PDS5A: variants seen among roughly 807,000 people sequenced by gnomAD.
The protein encoded by PDS5A is PDS5 cohesin associated factor A.
In PDS5A, 42 loss-of-function variants were observed where a neutral mutation model predicts 167.1. The observed-to-expected ratio is 0.25, with a 90% CI of 0.20 to 0.33. PDS5A has a LOEUF of 0.33. PDS5A is among the 10% of genes least tolerant of loss of function. The probability of loss-of-function intolerance (pLI) is 1.00; values close to 1 mark genes in which losing one functional copy is unlikely to be tolerated. For synonymous variants in PDS5A, 553 were observed against 554.6 expected (o/e 1.00, Z 0.04); for missense variants, 1,033 against 1,605.9 (o/e 0.64, Z 6.10).
Position 39,849,595 on chromosome 4 carries a change from G to C in PDS5A, c.3144C>G (p.Ala1048=), listed in dbSNP as rs778725295. The C allele has an allele frequency of 2.7e-5, 44 of 1,607,768 alleles. No individual in the cohort carries two copies. The highest frequency in any genetic ancestry group is 4.0e-5 in the African/African-American group (3 of 74,780). The change falls in exon 27 of 33, where the codon GCC becomes GCG. Residue 1048 remains alanine, a synonymous_variant. Transcript: ENST00000303538. ...LMTKNENNSH[A]FMKKMAENIK... ...TGTTCTCTGCCATCTTCTTCATAAA[G>C]GCATGGCTATTGTTTTCATTCTTTG... is the stretch of plus-strand genomic sequence containing the variant.
chr4:39,939,805 C>G (rs1468784791), intron 2 of PDS5A, among the ~76,000 whole-genome samples: 1 of 151,562 alleles, frequency 6.6e-6, no homozygotes. Flanking sequence ...TCCAAAAAAA[C>G]AAAAACAAAC....
chr4:39,851,198 A>G (rs1471196959), intron 26 of PDS5A, among the ~76,000 whole-genome samples: 1 of 152,238 alleles, frequency 6.6e-6, no homozygotes. Flanking sequence ...AGTGCTTACT[A>G]TCTACTAGGC....
chr4:39,872,830 A>C (rs1457943746), intron 21 of PDS5A, 156 bp downstream of exon 21: 1 of 418,686 alleles, frequency 2.4e-6, no homozygotes, highest in African/African-American at 2.0e-5. Flanking sequence ...GAAATAAGGA[A>C]GTAGTTTCGA....
intron 2 of PDS5A, among the ~76,000 whole-genome samples, chr4:39,935,031 T>C (rs895321734): frequency 6.6e-6 from 1 of 152,218 alleles, no homozygotes; most frequent in East Asian, 1.9e-4. Context: ...TCTAACTTTA[T>C]CAATTATTTT....
At chr4:39,829,980 A>AAG (rs1715700930) in intron 32 of PDS5A, among the ~76,000 whole-genome samples, 1 of 138,076 alleles carries the variant, frequency 7.2e-6, no homozygotes, top group South Asian at 2.3e-4. Context: ...AAAAAAAAAA[A>AAG]AAAAGAAATT....
At chr4:39,948,313 T>A (rs1727984622) in intron 2 of PDS5A, among the ~76,000 whole-genome samples, 1 of 12,330 alleles carries the variant, frequency 8.1e-5, no homozygotes, top group South Asian at 3.4e-3. Context: ...GAATCAAACC[T>A]TTTTTTTTTT....
intron 2 of PDS5A, among the ~76,000 whole-genome samples, chr4:39,967,833 C>A (rs1730128367): frequency 6.6e-6 from 1 of 151,454 alleles, no homozygotes; most frequent in African/African-American, 2.4e-5. Context: ...GTGGCAGAAG[C>A]CTGTAGTCCC....
At chr4:39,975,867 G>C (rs1319206289) in intron 2 of PDS5A, among the ~76,000 whole-genome samples, 1 of 152,152 alleles carries the variant, frequency 6.6e-6, no homozygotes, top group Non-Finnish European at 1.5e-5. Context: ...CCTTAGGACT[G>C]CCATGCTTAA....
At chr4:39,830,957 C>T (rs1470833583) in intron 32 of PDS5A, among the ~76,000 whole-genome samples, 2 of 152,176 alleles carry the variant, frequency 1.3e-5, no homozygotes, top group African/African-American at 2.4e-5. Context: ...ACAGTTCTGC[C>T]GGGCGCAATG....
chr4:39,947,083 G>GA (rs912790351), intron 2 of PDS5A, among the ~76,000 whole-genome samples: 40 of 151,130 alleles, frequency 2.6e-4, no homozygotes, highest in African/African-American at 8.7e-4. Context: ...TCTCTATTGA[G>GA]AAAAAAAAAT....
chr4:39,857,810 C>A (rs535974005), intron 26 of PDS5A, among the ~76,000 whole-genome samples: 1 of 152,176 alleles, frequency 6.6e-6, no homozygotes, highest in South Asian at 2.1e-4. Flanking sequence ...GAACTGGAGA[C>A]ACCAATAACC....
intron 21 of PDS5A, chr4:39,872,726 T>C (rs2109573195): frequency 8.1e-6 from 2 of 246,788 alleles, no homozygotes; most frequent in South Asian, 1.5e-4. Flanking sequence ...GTCAGGAAAA[T>C]AGCTTTTACT....
At chr4:39,836,615 A>ATTTTTTTTT (rs71645192) in intron 32 of PDS5A, among the ~76,000 whole-genome samples, 488 of 105,984 alleles carry the variant, frequency 4.6e-3, no homozygotes, top group East Asian at 8.3e-3. Context: ...ATTTTTTTCT[A>ATTTTTTTTT]TTTTTTTTTT....
intron 31 of PDS5A, among the ~76,000 whole-genome samples, chr4:39,839,087 C>T (rs1201505788): frequency 6.6e-6 from 1 of 152,032 alleles, no homozygotes; most frequent in South Asian, 2.1e-4. Context: ...TGGCAATATG[C>T]ATTTTTCTAT....
intron 22 of PDS5A, 28 bp downstream of exon 22, chr4:39,869,366 A>G: frequency 7.7e-7 from 1 of 1,306,916 alleles, no homozygotes; most frequent in Non-Finnish European, 1.1e-6. Flanking sequence ...TTTAAACATG[A>G]AGATTATCAA....
intron 2 of PDS5A, among the ~76,000 whole-genome samples, chr4:39,931,854 G>A (rs572142902): frequency 7.3e-5 from 11 of 150,078 alleles, no homozygotes; most frequent in Admixed American, 2.0e-4. Context: ...ACCTTATATA[G>A]TCTTCTTCCA....
chr4:39,934,605 C>CTTTTTTTTTTTTTT (rs955582839), intron 2 of PDS5A, among the ~76,000 whole-genome samples: 1 of 109,212 alleles, frequency 9.2e-6, no homozygotes. Flanking sequence ...CTTAGTATTT[C>CTTTTTTTTTTTTTT]TTTTTTTTTC....
intron 5 of PDS5A, among the ~76,000 whole-genome samples, chr4:39,924,760 T>C (rs541014907): frequency 6.6e-6 from 1 of 152,356 alleles, no homozygotes; most frequent in Non-Finnish European, 1.5e-5. Context: ...TGAGGTATGT[T>C]TGCATATAAT....
At chr4:39,923,297 C>T (rs560033903) in intron 5 of PDS5A, among the ~76,000 whole-genome samples, 19 of 145,608 alleles carry the variant, frequency 1.3e-4, no homozygotes, top group African/African-American at 3.3e-4. Flanking sequence ...CACTGCACTC[C>T]GGCCTGGGCA....
Sources: gnomAD v4.1 joint callset for allele counts (sites outside exome capture counted in the v4.1 genomes callset) on GRCh38, gnomAD v4.1.1 for gene constraint, MANE v1.5 for transcripts, NCBI Gene and HGNC (gene_info 2026-07-23, HGNC 2026-07-21) for gene names.